The following CADPS2 variants were observed in gnomAD, a reference collection of about 807,000 sequenced individuals.
The protein encoded by CADPS2 is calcium dependent secretion activator 2.
CADPS2 carries 93 observed loss-of-function variants against 172.5 expected under a neutral mutation model. The observed-to-expected ratio is 0.54, with a 90% CI of 0.46 to 0.64. CADPS2 has a LOEUF of 0.64. Among genes scored for constraint, CADPS2 ranks in the 30% least tolerant of loss-of-function variants. CADPS2 has a pLI of 0.00. For missense variants in CADPS2, 1,420 were observed against 1,565.9 expected (o/e 0.91, Z 1.57); for synonymous variants, 546 against 555.2 (o/e 0.98, Z 0.23).
At chr7:122,398,982 A>G (rs1774420980) in intron 20 of CADPS2, among the ~76,000 whole-genome samples, 2 of 152,126 alleles carry the variant, frequency 1.3e-5, no homozygotes, top group Non-Finnish European at 2.9e-5. Flanking sequence ...TAAAAATTTG[A>G]CAAGTAATTT....
chr7:122,664,146 T>C (rs963282454), intron 2 of CADPS2, among the ~76,000 whole-genome samples: 1 of 151,800 alleles, frequency 6.6e-6, no homozygotes, highest in Non-Finnish European at 1.5e-5. Flanking sequence ...CTGAGAGTTC[T>C]AGCTGGTTTT....
intron 15 of CADPS2, 21 bp downstream of exon 15, chr7:122,451,353 T>C (rs568239495): frequency 2.4e-6 from 3 of 1,238,450 alleles, no homozygotes; most frequent in South Asian, 3.5e-5. Flanking sequence ...GAAATATTTA[T>C]ATTAATAAAA....
intron 7 of CADPS2, among the ~76,000 whole-genome samples, chr7:122,562,361 A>AGC (rs2065883932): frequency 1.3e-5 from 2 of 152,208 alleles, no homozygotes; most frequent in African/African-American, 4.8e-5. Flanking sequence ...GGACTTGACC[A>AGC]GCCATTACTA....
chr7:122,850,296 G>A (rs1813199653), intron 1 of CADPS2: 2 of 590,410 alleles, frequency 3.4e-6, no homozygotes, highest in Non-Finnish European at 5.5e-6. Flanking sequence ...CTCCTTTCAG[G>A]GGATGAAGAC....
intron 13 of CADPS2, among the ~76,000 whole-genome samples, chr7:122,472,592 A>C (rs1009872095): frequency 2.0e-5 from 3 of 152,188 alleles, no homozygotes; most frequent in Non-Finnish European, 4.4e-5. Context: ...CATTCTCCTC[A>C]GACTCCATAT....
chr7:122,389,728 G>A (rs1471396855), intron 22 of CADPS2, among the ~76,000 whole-genome samples: 1 of 151,998 alleles, frequency 6.6e-6, no homozygotes, highest in African/African-American at 2.4e-5. Flanking sequence ...TGATTCATTT[G>A]TTCTCAGCTT....
intron 17 of CADPS2, among the ~76,000 whole-genome samples, chr7:122,431,394 T>C (rs2151894256): frequency 6.6e-6 from 1 of 152,146 alleles, no homozygotes; most frequent in South Asian, 2.1e-4. Flanking sequence ...TAATAAGCGC[T>C]GTGGAAGAAA....
At chr7:122,468,698 G>C (rs2055493774) in intron 14 of CADPS2, among the ~76,000 whole-genome samples, 1 of 152,184 alleles carries the variant, frequency 6.6e-6, no homozygotes, top group Admixed American at 6.5e-5. Context: ...ACATGGGTCA[G>C]TTTGCAAATT....
chr7:122,707,930 T>A (rs1588623512), intron 2 of CADPS2, among the ~76,000 whole-genome samples: 1 of 151,856 alleles, frequency 6.6e-6, no homozygotes, highest in South Asian at 2.1e-4. Flanking sequence ...TTGTGGCAAC[T>A]ATAATTCTTA....
chr7:122,718,790 C>A (rs1032115396), intron 2 of CADPS2, among the ~76,000 whole-genome samples: 2 of 152,222 alleles, frequency 1.3e-5, no homozygotes, highest in South Asian at 4.1e-4. Flanking sequence ...GAGCTCAAGA[C>A]TCTAATCATA....
chr7:122,754,321 C>G (rs1244123727), intron 1 of CADPS2, among the ~76,000 whole-genome samples: 2 of 151,876 alleles, frequency 1.3e-5, no homozygotes, highest in Non-Finnish European at 2.9e-5. Flanking sequence ...TATTTGTTAA[C>G]CAAAGTGTGA....
chr7:122,380,157 TTC>T (rs2042826140), intron 24 of CADPS2, among the ~76,000 whole-genome samples: 1 of 152,180 alleles, frequency 6.6e-6, no homozygotes, highest in South Asian at 2.1e-4. Flanking sequence ...ACTTTTTTTT[TTC>T]TTTCTTTAGA....
chr7:122,883,187 AAAAT>A (rs542325593), intron 1 of CADPS2, among the ~76,000 whole-genome samples: 94 of 152,318 alleles, frequency 6.2e-4, no homozygotes, highest in African/African-American at 2.1e-3. Flanking sequence ...CCAAGTGAAA[AAAAT>A]AAATAAATAA....
At chr7:122,842,198 C>G (rs567549390) in intron 1 of CADPS2, among the ~76,000 whole-genome samples, 90 of 152,342 alleles carry the variant, frequency 5.9e-4, no homozygotes, top group Middle Eastern at 3.4e-3. Context: ...ATTTTGACTT[C>G]TCTTTCCTCC....
At chr7:122,856,788 A>AAAAATG (rs1372493216) in intron 1 of CADPS2, among the ~76,000 whole-genome samples, 10 of 152,380 alleles carry the variant, frequency 6.6e-5, no homozygotes, top group African/African-American at 2.2e-4. Flanking sequence ...ATTTTGGTTA[A>AAAAATG]AAAATGAAAC....
At chr7:122,819,677 T>A (rs1449139412) in intron 1 of CADPS2, among the ~76,000 whole-genome samples, 3 of 152,100 alleles carry the variant, frequency 2.0e-5, no homozygotes, top group African/African-American at 7.2e-5. Flanking sequence ...CCCAGTTCCC[T>A]TATTAGGCTG....
intron 17 of CADPS2, among the ~76,000 whole-genome samples, chr7:122,434,274 C>T (rs924848388): frequency 2.6e-5 from 4 of 152,088 alleles, no homozygotes; most frequent in Admixed American, 1.3e-4. Context: ...TGTTCTTTCT[C>T]CTCTTCGTGG....
intron 1 of CADPS2, among the ~76,000 whole-genome samples, chr7:122,783,409 A>C (rs543647660): frequency 1.4e-4 from 21 of 152,032 alleles, no homozygotes; most frequent in Non-Finnish European, 2.2e-4. Context: ...GGGCTGATCA[A>C]GTTACTATTT....
chr7:122,466,700 C>G (rs186645902), intron 14 of CADPS2, among the ~76,000 whole-genome samples: 264 of 152,258 alleles, frequency 1.7e-3, no homozygotes, highest in Middle Eastern at 3.4e-3. Flanking sequence ...TTAAAAAGTA[C>G]TTACAGAATT....
Sources: allele counts gnomAD v4.1 joint callset (sites outside exome capture counted in the v4.1 genomes callset), GRCh38; gene constraint gnomAD v4.1.1; transcripts MANE v1.5; gene names NCBI Gene and HGNC (gene_info 2026-07-23, HGNC 2026-07-21).